Variants in PTPN2 observed in about 807,000 individuals in gnomAD.
The protein encoded by PTPN2 is protein tyrosine phosphatase non-receptor type 2, also known as tyrosine-protein phosphatase non-receptor type 2.
In PTPN2, 19 loss-of-function variants were observed where a neutral mutation model predicts 57.3. The ratio of observed to expected loss-of-function variants is 0.33; its 90% CI spans 0.23 to 0.49. PTPN2 has a LOEUF of 0.49. Ranked by LOEUF, PTPN2 falls within the 20% of genes least tolerant of loss-of-function variation. PTPN2 has a pLI of 0.99. For synonymous variants in PTPN2, 153 were observed against 164.9 expected (o/e 0.93, Z 0.55); for missense variants, 358 against 501.1 (o/e 0.71, Z 2.73).
intron 3 of PTPN2, among the ~76,000 whole-genome samples, chr18:12,832,790 A>C (rs2042714819): frequency 6.6e-6 from 1 of 152,208 alleles, no homozygotes; most frequent in Non-Finnish European, 1.5e-5. Flanking sequence ...TAAAGACTAA[A>C]TAATAAACAG....
At chr18:12,788,840 CTGT>C (rs1414939595), downstream of PTPN2, among the ~76,000 whole-genome samples, 1 of 152,134 alleles carries the variant, frequency 6.6e-6, no homozygotes, top group Non-Finnish European at 1.5e-5. Context: ...TTGCTCAATG[CTGT>C]TCTTGGAGCA....
chr18:12,807,586 A>AAAAAAAAAAAAAAATAT, intron 7 of PTPN2, among the ~76,000 whole-genome samples: 5 of 35,194 alleles, frequency 1.4e-4, no homozygotes, highest in Non-Finnish European at 2.5e-4. Flanking sequence ...AAAAAAAAAA[A>AAAAAAAAAAAAAAATAT]ATATATATAT....
intron 6 of PTPN2, among the ~76,000 whole-genome samples, chr18:12,815,722 T>C (rs2042053457): frequency 6.6e-6 from 1 of 152,192 alleles, no homozygotes; most frequent in Non-Finnish European, 1.5e-5. Context: ...TACAGATGTT[T>C]AGTTAAGACT....
intron 7 of PTPN2, among the ~76,000 whole-genome samples, chr18:12,806,201 T>C (rs1405586963): frequency 1.3e-5 from 2 of 151,612 alleles, no homozygotes; most frequent in Non-Finnish European, 2.9e-5. Context: ...AAAAAAGAAA[T>C]CAAGAAAGCA....
chr18:12,819,248 T>A, intron 5 of PTPN2: 1 of 1,460,712 alleles, frequency 6.8e-7, no homozygotes, highest in East Asian at 2.5e-5. Context: ...CATTAATAAT[T>A]TCAAATACAG....
chr18:12,864,545 G>A (rs973490994), intron 1 of PTPN2, among the ~76,000 whole-genome samples: 3 of 151,870 alleles, frequency 2.0e-5, no homozygotes, highest in African/African-American at 4.8e-5. Context: ...ACAAATGCCC[G>A]CCACCACGCC....
chr18:12,838,428 C>A (rs2042941679), intron 2 of PTPN2, among the ~76,000 whole-genome samples: 1 of 152,228 alleles, frequency 6.6e-6, no homozygotes, highest in African/African-American at 2.4e-5. Flanking sequence ...TGATACCTCA[C>A]CCTCAGGACT....
intron 8 of PTPN2, among the ~76,000 whole-genome samples, chr18:12,795,460 A>G (rs1036595486): frequency 2.0e-5 from 3 of 152,028 alleles, no homozygotes; most frequent in Non-Finnish European, 4.4e-5. Context: ...CGCCTGGCTA[A>G]TTTTTTTGTA....
At chr18:12,786,009 T>G in intron 9 of PTPN2, 1 of 610,704 alleles carries the variant, frequency 1.6e-6, no homozygotes, top group Admixed American at 3.3e-5. Flanking sequence ...ACTGTTATCT[T>G]AGGGTAAAAC....
chr18:12,837,461 A>C (rs1037058243), intron 2 of PTPN2, among the ~76,000 whole-genome samples: 1 of 152,140 alleles, frequency 6.6e-6, no homozygotes, highest in African/African-American at 2.4e-5. Context: ...CACTACTTAG[A>C]CTCTGTTAAC....
chr18:12,804,570 C>T (rs761218439), intron 7 of PTPN2, among the ~76,000 whole-genome samples: 26 of 150,530 alleles, frequency 1.7e-4, no homozygotes, highest in Non-Finnish European at 3.2e-4. Flanking sequence ...ACAACTAATA[C>T]CATAAACAAA....
chr18:12,867,591 T>G (rs28622228), intron 1 of PTPN2, among the ~76,000 whole-genome samples: 57 of 152,118 alleles, frequency 3.7e-4, no homozygotes, highest in African/African-American at 1.4e-3. Context: ...CTGGGTTAGC[T>G]TCTCCATTTG....
chr18:12,827,326 G>A (rs1177680606), intron 4 of PTPN2, among the ~76,000 whole-genome samples: 1 of 144,464 alleles, frequency 6.9e-6, no homozygotes, highest in Non-Finnish European at 1.5e-5. Context: ...CTGGGCGACA[G>A]AGCGAGACTC....
At chr18:12,808,064 T>C (rs2041750747) in intron 7 of PTPN2, among the ~76,000 whole-genome samples, 1 of 151,872 alleles carries the variant, frequency 6.6e-6, no homozygotes, top group Non-Finnish European at 1.5e-5. Context: ...GCGCCTGCAG[T>C]CCCAATTACT....
At chr18:12,813,423 T>A (rs2041964400) in intron 7 of PTPN2, among the ~76,000 whole-genome samples, 1 of 152,236 alleles carries the variant, frequency 6.6e-6, no homozygotes, top group East Asian at 1.9e-4. Context: ...AATATTTTAA[T>A]GCTATTTAAA....
At chr18:12,823,487 A>G (rs1157431285) in intron 5 of PTPN2, among the ~76,000 whole-genome samples, 1 of 152,036 alleles carries the variant, frequency 6.6e-6, no homozygotes, top group Non-Finnish European at 1.5e-5. Flanking sequence ...CAGTCTGGCC[A>G]ACACAGCGAA....
intron 2 of PTPN2, among the ~76,000 whole-genome samples, chr18:12,841,923 T>C (rs1266503890): frequency 7.6e-6 from 1 of 132,288 alleles, no homozygotes; most frequent in Non-Finnish European, 1.7e-5. Flanking sequence ...TTTTTTTTTT[T>C]GAGATGGAGT....
Position 12,828,212 on chromosome 18 carries a change from G to A in PTPN2, c.361-2268C>T, listed in dbSNP as rs578132994. On this transcript the variant is annotated intron_variant, in intron 4 of 8. Coordinates refer to ENST00000309660, the MANE Select transcript of PTPN2 (RefSeq NM_002828.4). Reference sequence around the variant, plus strand: ...TTAAGACAGCAGATGAACCATCACTGACATGTAAAAAAATCAGACTATAAT... The same window carrying A: ...TTAAGACAGCAGATGAACCATCACTAACATGTAAAAAAATCAGACTATAAT... 5.9e-5 allele frequency among the ~76,000 whole-genome samples: 9 copies of A among 152,270 alleles called. No homozygotes were observed. In the South Asian group the frequency reaches 1.2e-3, roughly 21 times the overall value.
At chr18:12,807,586 A>ATATATATATAT (rs1555660749) in intron 7 of PTPN2, among the ~76,000 whole-genome samples, 3 of 35,196 alleles carry the variant, frequency 8.5e-5, no homozygotes, top group African/African-American at 2.1e-4. Context: ...AAAAAAAAAA[A>ATATATATATAT]ATATATATAT....
Sources: gnomAD v4.1 joint callset for allele counts (sites outside exome capture counted in the v4.1 genomes callset) on GRCh38, gnomAD v4.1.1 for gene constraint, MANE v1.5 for transcripts, NCBI Gene and HGNC (gene_info 2026-07-23, HGNC 2026-07-21) for gene names.